The following GTF2IRD1 variants were observed in gnomAD, a reference collection of about 807,000 sequenced individuals.
GTF2IRD1 encodes the protein general transcription factor II-I repeat domain-containing protein 1.
In GTF2IRD1, 26 loss-of-function variants were observed where a neutral mutation model predicts 113.2. The observed-to-expected ratio is 0.23, with a 90% CI of 0.17 to 0.32. GTF2IRD1 has a LOEUF of 0.32. Among genes scored for constraint, GTF2IRD1 ranks in the 10% least tolerant of loss-of-function variants. The pLI, the probability that GTF2IRD1 is intolerant of heterozygous loss-of-function variation, is 1.00. For missense variants in GTF2IRD1, 864 were observed against 1,280.8 expected (o/e 0.67, Z 4.97); for synonymous variants, 484 against 529.1 (o/e 0.91, Z 1.17).
intron 22 of GTF2IRD1, among the ~76,000 whole-genome samples, chr7:74,582,494 AG>A (rs1405252710): frequency 6.6e-6 from 1 of 152,132 alleles, no homozygotes; most frequent in East Asian, 1.9e-4. Context: ...CCTGGCCTCA[AG>A]CAATCCTCCC....
At chr7:74,577,519 C>G (rs762759499) in intron 22 of GTF2IRD1, among the ~76,000 whole-genome samples, 1 of 152,188 alleles carries the variant, frequency 6.6e-6, no homozygotes, top group African/African-American at 2.4e-5. Flanking sequence ...TACATACTCA[C>G]AATAGCATCA....
chr7:74,559,305 C>A (rs1261500315), intron 21 of GTF2IRD1, among the ~76,000 whole-genome samples: 1 of 152,166 alleles, frequency 6.6e-6, no homozygotes, highest in Non-Finnish European at 1.5e-5. Flanking sequence ...CAGCAACACC[C>A]GCTCACTGCA....
At chr7:74,549,092 C>A (rs1174601137) in intron 17 of GTF2IRD1, among the ~76,000 whole-genome samples, 2 of 151,850 alleles carry the variant, frequency 1.3e-5, no homozygotes, top group Non-Finnish European at 2.9e-5. Flanking sequence ...GAGTTCGAGA[C>A]CAGCCTGGCC....
chr7:74,539,252 C>T (rs1448951762), intron 13 of GTF2IRD1, among the ~76,000 whole-genome samples: 6 of 152,062 alleles, frequency 3.9e-5, no homozygotes, highest in African/African-American at 1.2e-4. Context: ...TCAAGACCAG[C>T]CTGGGCAGCA....
chr7:74,480,785 A>G (rs1408118801), intron 1 of GTF2IRD1, among the ~76,000 whole-genome samples: 2 of 152,086 alleles, frequency 1.3e-5, no homozygotes, highest in African/African-American at 4.8e-5. Context: ...GGGACGGGAG[A>G]GAAATGGAGA....
intron 1 of GTF2IRD1, among the ~76,000 whole-genome samples, chr7:74,459,331 G>A (rs1243195488): frequency 6.6e-6 from 1 of 151,906 alleles, no homozygotes; most frequent in African/African-American, 2.4e-5. Context: ...AGTGGCGGGC[G>A]CCTGTAATCC....
rs1236480698 is a variant in GTF2IRD1, at chr7:74,512,190, T to TA, written c.124-639dup. On this transcript the variant is annotated intron_variant, in intron 2 of 26. Transcript: ENST00000424337. The surrounding 1 kb of genome is among the most constrained non-coding windows in gnomAD (Gnocchi z 4.4). ...AACATGGTGAAACCCCATCTCTACT[T>TA]ATAATACAAAAATTAGCAAGGCGTG... Among the ~76,000 whole-genome samples, 1 of 152,110 alleles carries TA rather than the reference T, an allele frequency of 6.6e-6. No individual in the cohort carries two copies. Among genetic ancestry groups the TA allele is most frequent in the South Asian group, 2.1e-4 (1 of 4,806 alleles).
At position 74,480,034 on chromosome 7, in the gene GTF2IRD1, A is replaced by G. The variant is rs538501093; in HGVS notation, c.-7+25858A>G. On this transcript the variant is annotated intron_variant, in intron 1 of 26. Transcript: ENST00000424337. ...AGTGCTGGGATTACAGTCGTGAGCC[A>G]TCGCACCCAGCCCAAGTACATAAAT... Among the ~76,000 whole-genome samples the G allele has an allele frequency of 2.0e-4, 31 of 152,202 alleles. No homozygotes were observed. In the Middle Eastern group the frequency reaches 0.017, roughly 83 times the overall value.
chr7:74,493,110 C>CTTCT (rs529546414), intron 1 of GTF2IRD1, among the ~76,000 whole-genome samples: 1 of 134,276 alleles, frequency 7.4e-6, no homozygotes, highest in Non-Finnish European at 1.6e-5. Context: ...TCTTCTTCTT[C>CTTCT]TTTTTTTTTT....
intron 22 of GTF2IRD1, among the ~76,000 whole-genome samples, chr7:74,581,165 A>G (rs1425674040): frequency 1.3e-5 from 2 of 148,778 alleles, no homozygotes; most frequent in African/African-American, 4.9e-5. Flanking sequence ...GATTACAGGC[A>G]CCCGCCACTA....
rs1176932203 is a variant in GTF2IRD1, at chr7:74,593,413, TAAAAAAAAA to T, written c.2592-1584_2592-1576del. On this transcript the variant is annotated intron_variant, in intron 24 of 26. Transcript: ENST00000424337. ...CAATATGGTGAAACCTCATCTCTAC[TAAAAAAAAA>T]AAAAAAAAAAAAAAAAGATACAAAA... is the stretch of plus-strand genomic sequence containing the variant. Among the ~76,000 whole-genome samples the T allele has an allele frequency of 2.2e-4, 11 of 49,274 alleles. No individual in the cohort carries two copies. In the East Asian group the frequency reaches 8.1e-3, roughly 36 times the overall value. The allele number at this position is 49,274 out of a possible 152,430, so 32.3% of individuals were successfully genotyped here. A position where few individuals can be genotyped will look rare whatever the true frequency, so the allele number is the denominator to read the frequency against.
chr7:74,508,006 T>C, intron 1 of GTF2IRD1, 69 bp from the exon 2 acceptor site: 2 of 1,512,782 alleles, frequency 1.3e-6, no homozygotes, highest in Non-Finnish European at 1.8e-6. Flanking sequence ...TGGATTGGGG[T>C]GGGCAGCCAC....
chr7:74,536,325 G>A (rs1335875972), intron 11 of GTF2IRD1, 50 bp downstream of exon 11: 3 of 1,180,420 alleles, frequency 2.5e-6, no homozygotes, highest in South Asian at 2.5e-5. Flanking sequence ...CCTGCTCTGG[G>A]CTGAGGCAGT....
At chr7:74,558,255 G>A (rs1799718214) in intron 20 of GTF2IRD1, among the ~76,000 whole-genome samples, 1 of 144,216 alleles carries the variant, frequency 6.9e-6, no homozygotes, top group African/African-American at 2.6e-5. Flanking sequence ...TTCCAGCCTA[G>A]GCAACAAAAG....
intron 24 of GTF2IRD1, among the ~76,000 whole-genome samples, chr7:74,592,723 G>C (rs1240280191): frequency 6.6e-6 from 1 of 151,620 alleles, no homozygotes; most frequent in African/African-American, 2.4e-5. Context: ...AATAGAGACA[G>C]GGTTTCTCCA....
chr7:74,598,309 G>A (rs1554372981), intron 25 of GTF2IRD1, among the ~76,000 whole-genome samples: 1 of 151,954 alleles, frequency 6.6e-6, no homozygotes, highest in African/African-American at 2.4e-5. Context: ...CAGGTCAAAG[G>A]CAGAGAGGAG....
At chr7:74,523,725 A>G (rs1797425173) in intron 7 of GTF2IRD1, among the ~76,000 whole-genome samples, 1 of 129,398 alleles carries the variant, frequency 7.7e-6, no homozygotes, top group South Asian at 2.3e-4. Context: ...CATCTAAAGG[A>G]AAAAAAAAAA....
At chr7:74,544,654 C>A (rs782536410) in intron 14 of GTF2IRD1, 101 bp from the exon 15 acceptor site, 24 of 1,171,336 alleles carry the variant, frequency 2.0e-5, no homozygotes, top group Middle Eastern at 5.7e-4. Context: ...AGAGTTGGGG[C>A]CCCCTGGCCT....
At chr7:74,585,305 G>A (rs1169099973) in intron 22 of GTF2IRD1, among the ~76,000 whole-genome samples, 2 of 151,552 alleles carry the variant, frequency 1.3e-5, no homozygotes, top group African/African-American at 4.9e-5. Flanking sequence ...TAGAGACGGG[G>A]TTTCACCATG....
Sources: gnomAD v4.1 joint callset for allele counts (sites outside exome capture counted in the v4.1 genomes callset) on GRCh38, gnomAD v4.1.1 for gene constraint, Gnocchi (gnomAD v3.1) non-coding constraint, MANE v1.5 for transcripts, NCBI Gene and HGNC (gene_info 2026-07-23, HGNC 2026-07-21) for gene names.